The following CACNA1I variants were observed in gnomAD, a reference collection of about 807,000 sequenced individuals.
The protein encoded by CACNA1I is voltage-dependent T-type calcium channel subunit alpha-1I.
In CACNA1I, 74 loss-of-function variants were observed where a neutral mutation model predicts 201.6. The observed-to-expected ratio is 0.37, with a 90% CI of 0.30 to 0.45. The LOEUF (loss-of-function observed/expected upper bound fraction) is 0.45. CACNA1I is among the 20% of genes least tolerant of loss of function. CACNA1I has a pLI of 1.00. For missense variants in CACNA1I, 2,346 were observed against 3,138.1 expected (o/e 0.75, Z 6.03); for synonymous variants, 1,431 against 1,345.2 (o/e 1.06, Z -1.40).
chr22:39,639,427 C>CA (rs1265912422), intron 5 of CACNA1I, among the ~76,000 whole-genome samples: 1 of 152,130 alleles, frequency 6.6e-6, no homozygotes, highest in Non-Finnish European at 1.5e-5. Flanking sequence ...CCTGAGTTAA[C>CA]AAAAAATATT....
In CACNA1I at chr22:39,598,271, G is replaced by A; in HGVS notation, c.348+9G>A. The A allele has an allele frequency of 7.1e-7, 1 of 1,405,334 alleles. No individual in the cohort carries two copies. The highest frequency in any genetic ancestry group is 2.7e-5 in the East Asian group (1 of 37,352). The allele number at this position is 1,405,334 out of a possible 1,614,324, so 87.1% of individuals were successfully genotyped here. A position where few individuals can be genotyped will look rare whatever the true frequency, so the allele number is the denominator to read the frequency against. On this transcript the variant is annotated intron_variant, in intron 2 of 36. Coordinates refer to ENST00000402142, the MANE Select transcript of CACNA1I (RefSeq NM_021096.4). The stretch of plus-strand genomic sequence containing the variant: ...GCTGCAAGATCCTGCAGGTGAGCCG[G>A]CCGCCCCGCCCCGCCCCGCCCTGCC...
chr22:39,594,472 C>G (rs919934864), intron 1 of CACNA1I, among the ~76,000 whole-genome samples: 1 of 152,088 alleles, frequency 6.6e-6, no homozygotes, highest in Non-Finnish European at 1.5e-5. Context: ...GGCTCAGGCT[C>G]GAAGGGGGCC....
At chr22:39,651,536 C>T (rs545801024) in intron 10 of CACNA1I, among the ~76,000 whole-genome samples, 1 of 152,338 alleles carries the variant, frequency 6.6e-6, no homozygotes, top group Non-Finnish European at 1.5e-5. Context: ...AGAGTTCAGC[C>T]TCTGGTCAGT....
intron 19 of CACNA1I, 116 bp from the exon 20 acceptor site, chr22:39,663,975 C>T: frequency 6.6e-7 from 1 of 1,516,622 alleles, no homozygotes; most frequent in Non-Finnish European, 9.1e-7. Context: ...GGGAAAGCCT[C>T]CGTGAACTGA....
chr22:39,579,793 C>T (rs769452570), intron 1 of CACNA1I, among the ~76,000 whole-genome samples: 53 of 151,986 alleles, frequency 3.5e-4, no homozygotes, highest in Non-Finnish European at 7.5e-4. Flanking sequence ...ATTACAGGCG[C>T]CCACCACCAT....
At chr22:39,584,709 A>T (rs1363772326) in intron 1 of CACNA1I, among the ~76,000 whole-genome samples, 1 of 152,242 alleles carries the variant, frequency 6.6e-6, no homozygotes, top group Non-Finnish European at 1.5e-5. Context: ...ATGAGCTTGC[A>T]TGGGCACAAG....
chr22:39,594,704 G>A (rs1410214755), intron 1 of CACNA1I, among the ~76,000 whole-genome samples: 1 of 152,040 alleles, frequency 6.6e-6, no homozygotes, highest in Non-Finnish European at 1.5e-5. Context: ...GGGTTTGGCT[G>A]GTGTGGCTAC....
intron 34 of CACNA1I, 145 bp from the exon 35 acceptor site, chr22:39,682,351 G>T: frequency 1.6e-6 from 1 of 628,680 alleles, no homozygotes; most frequent in Non-Finnish European, 2.7e-6. Context: ...TTGGAAGATG[G>T]TCAGGTAGAG....
intron 1 of CACNA1I, 125 bp downstream of exon 1, chr22:39,571,113 G>T: frequency 1.2e-6 from 1 of 814,210 alleles, no homozygotes; most frequent in Non-Finnish European, 2.1e-6. Flanking sequence ...AGGCCACTGG[G>T]CCTTGGTGGT....
intron 3 of CACNA1I, among the ~76,000 whole-genome samples, chr22:39,615,533 T>C (rs911762113): frequency 6.6e-6 from 1 of 152,090 alleles, no homozygotes; most frequent in Non-Finnish European, 1.5e-5. Context: ...AATTGGTGCA[T>C]TGAGTCATTG....
intron 3 of CACNA1I, among the ~76,000 whole-genome samples, chr22:39,606,426 C>T (rs762362865): frequency 1.9e-4 from 29 of 152,232 alleles, no homozygotes; most frequent in Non-Finnish European, 3.4e-4. Flanking sequence ...TTCCTGCACT[C>T]GCACAGCTCA....
chr22:39,648,001 A>G lies in CACNA1I; in HGVS notation c.1567+75A>G. 1.5e-6 allele frequency: 2 copies of G among 1,336,158 alleles called. No individual in the cohort carries two copies. Among genetic ancestry groups the G allele is most frequent in the Non-Finnish European group, 2.1e-6 (2 of 939,360 alleles). The allele number at this position is 1,336,158 out of a possible 1,614,324, so 82.8% of individuals were successfully genotyped here. On this transcript the variant is annotated intron_variant, in intron 9 of 36. Coordinates refer to ENST00000402142, the MANE Select transcript of CACNA1I (RefSeq NM_021096.4). The surrounding 1 kb of genome is among the most constrained non-coding windows in gnomAD (Gnocchi z 5.4). ...TTCTCCCAGTTGGTGCTGAGAAGGA[A>G]GTCGGCAGGCATGGGGACGGCGCTT...
At chr22:39,576,119 G>A (rs1230058114) in intron 1 of CACNA1I, among the ~76,000 whole-genome samples, 2 of 152,336 alleles carry the variant, frequency 1.3e-5, no homozygotes, top group Non-Finnish European at 2.9e-5. Flanking sequence ...TATGAGTGAA[G>A]GGCCAGAGTG....
rs923859709 is a variant in CACNA1I at position 39,677,346 on chromosome 22, C to A, written c.4860C>A (p.Gly1620=). ...DTVVQALPQV[G]NLGLLFMLLF... is the part of the protein sequence containing the mutation. The stretch of plus-strand genomic sequence containing the variant: ...CCTCACCTGTCCTCCCGCAGGTGGG[C>A]AACCTGGGCCTCCTCTTCATGCTGC... Residue 1620 remains glycine, a synonymous_variant, in exon 30 of 37, where the codon GGC becomes GGA. Coordinates refer to ENST00000402142, the MANE Select transcript of CACNA1I (RefSeq NM_021096.4). This position sits in a 1 kb window ranked among gnomAD's most constrained non-coding sequence, Gnocchi z 4.8. 1 of 1,594,820 alleles carries A rather than the reference C, an allele frequency of 6.3e-7. No homozygotes were observed.
chr22:39,650,884 G>A (rs577433926), intron 10 of CACNA1I, among the ~76,000 whole-genome samples: 1 of 152,302 alleles, frequency 6.6e-6, no homozygotes, highest in South Asian at 2.1e-4. Context: ...GGGAGCTGGG[G>A]GAGGATGTGT....
At position 39,674,415 on chromosome 22, in the gene CACNA1I, C is replaced by A. The variant is rs142145485; in HGVS notation, c.4854+382C>A. Among the ~76,000 whole-genome samples the A allele has an allele frequency of 2.6e-3, 398 of 152,218 alleles. 2 individuals are homozygous for A. The highest frequency in any genetic ancestry group is 9.2e-3 in the African/African-American group (382 of 41,526). On this transcript the variant is annotated intron_variant, in intron 29 of 36. Transcript: ENST00000402142. The stretch of plus-strand genomic sequence containing the variant: ...TCCCTGGGGAGATCAGGGAAGGCAG[C>A]CTAGGAAAGGGGACCTTTGAGCTTG...
Position 39,686,199 on chromosome 22 carries a change from A to G in CACNA1I, c.6466A>G (p.Thr2156Ala). ...GLTPARKFSSTSSLAAPGRPH... is the reference protein window; with the variant it reads ...GLTPARKFSSASSLAAPGRPH... ...CACGCCCGCCAGGAAGTTCAGCAGC[A>G]CCAGCAGCCTGGCCGCCCCCGGCCG... Residue 2156 changes from threonine to alanine, a missense_variant, in exon 37 of 37, where the codon ACC becomes GCC. By Grantham distance (58) the Thr-to-Ala change is moderately conservative. Around this residue, in one of 13 missense-constraint regions of CACNA1I, gnomAD observed 187 missense variants for 151.0 expected, o/e 1.24. Transcript: ENST00000402142. 7.9e-7 allele frequency: 1 copy of G among 1,266,622 alleles called. No homozygotes were observed. 78.5% of individuals were successfully genotyped at this position (1,266,622 alleles called of 1,614,324 possible).
intron 10 of CACNA1I, among the ~76,000 whole-genome samples, chr22:39,654,955 G>A (rs1934767167): frequency 6.6e-6 from 1 of 152,098 alleles, no homozygotes; most frequent in African/African-American, 2.4e-5. Flanking sequence ...TGACACATTT[G>A]TGCTGAACTG....
At chr22:39,580,748 A>C (rs1011165041) in intron 1 of CACNA1I, among the ~76,000 whole-genome samples, 4 of 152,134 alleles carry the variant, frequency 2.6e-5, no homozygotes, top group Admixed American at 1.3e-4. Context: ...ACTTGGGCAA[A>C]TTCACTTATT....
Sources: gnomAD v4.1 joint callset for allele counts (sites outside exome capture counted in the v4.1 genomes callset) on GRCh38, gnomAD v4.1.1 for gene constraint, gnomAD v4.1.1 regional missense constraint, Gnocchi (gnomAD v3.1) non-coding constraint, MANE v1.5 for transcripts, NCBI Gene and HGNC (gene_info 2026-07-23, HGNC 2026-07-21) for gene names.